The following ADAMTS12 variants were observed in gnomAD, a reference collection of about 807,000 sequenced individuals.
ADAMTS12 encodes the protein A disintegrin and metalloproteinase with thrombospondin motifs 12.
ADAMTS12 carries 118 observed loss-of-function variants against 167.8 expected under a neutral mutation model. The ratio of observed to expected loss-of-function variants is 0.70; its 90% CI spans 0.61 to 0.82. ADAMTS12 has a LOEUF of 0.82. Among genes scored for constraint, ADAMTS12 ranks in the 40% least tolerant of loss-of-function variants. The probability of loss-of-function intolerance (pLI) is 0.00; values close to 1 mark genes in which losing one functional copy is unlikely to be tolerated. For synonymous variants in ADAMTS12, 704 were observed against 716.9 expected, an observed-to-expected ratio of 0.98 and a Z score of 0.29; for missense variants, 1,916 against 1,998.8, an observed-to-expected ratio of 0.96 and a Z score of 0.79.
chr5:33,741,006 G>A (rs1341249454), intron 3 of ADAMTS12, among the ~76,000 whole-genome samples: 1 of 152,230 alleles, frequency 6.6e-6, no homozygotes, highest in Non-Finnish European at 1.5e-5. Context: ...CCCCAAGCAT[G>A]GAACTCTTTC....
At chr5:33,544,555 T>G (rs1433272909) in intron 22 of ADAMTS12, among the ~76,000 whole-genome samples, 1 of 152,060 alleles carries the variant, frequency 6.6e-6, no homozygotes, top group Admixed American at 6.6e-5. Flanking sequence ...CAGTGCCAAG[T>G]CAATCCTAAG....
chr5:33,662,011 T>C lies in ADAMTS12; in HGVS notation c.945A>G (p.Glu315=), dbSNP rs1212191815. 1 of 1,611,926 alleles carries C rather than the reference T, an allele frequency of 6.2e-7. No homozygotes were observed. Among genetic ancestry groups the C allele is most frequent in the African/African-American group, 1.3e-5 (1 of 74,906 alleles). The change falls in exon 6 of 24, where the codon GAA becomes GAG. Residue 315 remains glutamate, a synonymous_variant. Coordinates refer to ENST00000504830, the MANE Select transcript of ADAMTS12 (RefSeq NM_030955.4). ...EQGLKIVHHA[E]KTLSSFCKWQ... is the part of the protein sequence containing the mutation. ...ACTTGCAGAAGCTAGACAGTGTCTTTTCTGCATGGTGAACTATTTTCAGTC... is the reference window on the plus strand; with the variant it reads ...ACTTGCAGAAGCTAGACAGTGTCTTCTCTGCATGGTGAACTATTTTCAGTC...
rs552875698 is a variant in ADAMTS12, at chr5:33,855,305, T to C, written c.489+25814A>G. On this transcript the variant is annotated intron_variant, in intron 2 of 23. Coordinates refer to ENST00000504830, the MANE Select transcript of ADAMTS12 (RefSeq NM_030955.4). ...ATGTCACTAATCCTCATTTGTAGCATTCACACAGCTAAACAGAGAGAATGC... is the reference window on the plus strand; with the variant it reads ...ATGTCACTAATCCTCATTTGTAGCACTCACACAGCTAAACAGAGAGAATGC... Among the ~76,000 whole-genome samples the C allele has an allele frequency of 3.3e-5, 5 of 152,370 alleles. No homozygotes were observed. The East Asian group carries it at 5.8e-4, about 18-fold the overall frequency.
At chr5:33,753,635 T>C (rs1031242060) in intron 2 of ADAMTS12, among the ~76,000 whole-genome samples, 1 of 152,118 alleles carries the variant, frequency 6.6e-6, no homozygotes, top group South Asian at 2.1e-4. Context: ...GAAGGAGTTA[T>C]TGATATTTCC....
intron 2 of ADAMTS12, among the ~76,000 whole-genome samples, chr5:33,761,046 T>TA (rs1561257124): frequency 2.0e-5 from 3 of 152,216 alleles, no homozygotes; most frequent in African/African-American, 7.2e-5. Context: ...AACATGTTAC[T>TA]AGGGAGAACA....
chr5:33,609,053 T>G (rs1200484408), intron 16 of ADAMTS12, among the ~76,000 whole-genome samples: 1 of 152,204 alleles, frequency 6.6e-6, no homozygotes, highest in Non-Finnish European at 1.5e-5. Context: ...TGTCAAATTC[T>G]CAGCAATTTC....
chr5:33,673,804 T>G (rs1466260957), intron 5 of ADAMTS12, among the ~76,000 whole-genome samples: 2 of 152,122 alleles, frequency 1.3e-5, no homozygotes, highest in African/African-American at 4.8e-5. Context: ...CCTCACATAC[T>G]CCCACACACC....
intron 3 of ADAMTS12, among the ~76,000 whole-genome samples, chr5:33,700,267 G>A (rs549893043): frequency 6.6e-6 from 1 of 152,246 alleles, no homozygotes; most frequent in South Asian, 2.1e-4. Flanking sequence ...ATGCATAATA[G>A]CCAAAACCTA....
intron 3 of ADAMTS12, among the ~76,000 whole-genome samples, chr5:33,705,887 AC>A (rs1743185185): frequency 6.6e-6 from 1 of 152,182 alleles, no homozygotes; most frequent in African/African-American, 2.4e-5. Flanking sequence ...TTAAATAGCT[AC>A]AAAAAATATA....
chr5:33,642,361 C>T (rs769305342), intron 10 of ADAMTS12, among the ~76,000 whole-genome samples: 1 of 152,170 alleles, frequency 6.6e-6, no homozygotes, highest in Non-Finnish European at 1.5e-5. Flanking sequence ...TTGTTGCAAA[C>T]CACAATAGTT....
chr5:33,532,361 T>G (rs1744147708), intron 23 of ADAMTS12, among the ~76,000 whole-genome samples: 1 of 152,220 alleles, frequency 6.6e-6, no homozygotes, highest in Non-Finnish European at 1.5e-5. Context: ...TAATATTTTG[T>G]TGAATAAGTG....
At chr5:33,655,403 T>C (rs1222072552) in intron 7 of ADAMTS12, among the ~76,000 whole-genome samples, 1 of 152,068 alleles carries the variant, frequency 6.6e-6, no homozygotes, top group Non-Finnish European at 1.5e-5. Flanking sequence ...TCACGTTGGG[T>C]AGGGTAACTC....
At chr5:33,624,749 G>C (rs1282302329) in intron 13 of ADAMTS12, among the ~76,000 whole-genome samples, 5 of 152,158 alleles carry the variant, frequency 3.3e-5, no homozygotes, top group African/African-American at 1.2e-4. Flanking sequence ...TGTGGGAGTG[G>C]ATACCAAAGA....
In ADAMTS12 at chr5:33,583,242, A is replaced by G. The variant is rs140830141; in HGVS notation, c.2865+5357T>C. Among the ~76,000 whole-genome samples, 73 of 152,266 alleles carry G rather than the reference A, an allele frequency of 4.8e-4. No individual in the cohort carries two copies. The East Asian group carries it at 0.014, about 29-fold the overall frequency. ...GCCCTAAAATAAGTTAGAACATGCA[A>G]TGTTTCCCTTTCTGTGCCTGGCTTA... On this transcript the variant is annotated intron_variant, in intron 18 of 23. Transcript: ENST00000504830.
chr5:33,531,112 C>T (rs1234413842), intron 23 of ADAMTS12, among the ~76,000 whole-genome samples: 2 of 152,158 alleles, frequency 1.3e-5, no homozygotes, highest in Admixed American at 1.3e-4. Context: ...GGAAAGACAG[C>T]CATGTGGTAA....
intron 7 of ADAMTS12, among the ~76,000 whole-genome samples, chr5:33,651,271 T>A (rs1740860207): frequency 6.6e-6 from 1 of 152,314 alleles, no homozygotes; most frequent in African/African-American, 2.4e-5. Flanking sequence ...CCTACATGAA[T>A]AATGATCTTC....
At chr5:33,844,809 C>T (rs148137889) in intron 2 of ADAMTS12, among the ~76,000 whole-genome samples, 3,470 of 152,198 alleles carry the variant, frequency 0.023, 138 homozygotes, top group African/African-American at 0.08. Context: ...TGGGGCATCA[C>T]GGAACCTACC....
chr5:33,808,007 T>C lies in ADAMTS12; in HGVS notation c.490-56459A>G, dbSNP rs542200549. On this transcript the variant is annotated intron_variant, in intron 2 of 23. Coordinates refer to ENST00000504830, the MANE Select transcript of ADAMTS12 (RefSeq NM_030955.4). ...TATTGGAATGCGTGCAGGATGAAGT[T>C]AGCAGTAGAGGACACGGTGAAAATG... 1.4e-4 allele frequency among the ~76,000 whole-genome samples: 21 copies of C among 152,242 alleles called. No homozygotes were observed. In the East Asian group the frequency reaches 3.9e-3, roughly 28 times the overall value.
At chr5:33,571,218 A>G (rs1040338415) in intron 19 of ADAMTS12, among the ~76,000 whole-genome samples, 6 of 152,144 alleles carry the variant, frequency 3.9e-5, no homozygotes, top group African/African-American at 1.4e-4. Flanking sequence ...ATACCCAGGA[A>G]TTGAACTCAG....
Sources: gnomAD v4.1 joint callset for allele counts (sites outside exome capture counted in the v4.1 genomes callset) on GRCh38, gnomAD v4.1.1 for gene constraint, MANE v1.5 for transcripts, NCBI Gene and HGNC (gene_info 2026-07-23, HGNC 2026-07-21) for gene names.